Variants in HOMER2 observed in about 807,000 individuals in gnomAD.
HOMER2 encodes the protein homer protein homolog 2.
Under a neutral mutation model 47.0 loss-of-function variants are expected in HOMER2, and 27 were observed. That is an observed-to-expected ratio of 0.57 (90% CI 0.42 to 0.79). HOMER2 has a LOEUF of 0.79. Among genes scored for constraint, HOMER2 ranks in the 30% least tolerant of loss-of-function variants. The probability of loss-of-function intolerance (pLI) is 0.00; values close to 1 mark genes in which losing one functional copy is unlikely to be tolerated. For missense variants in HOMER2, 443 were observed against 435.0 expected (o/e 1.02, Z -0.16); for synonymous variants, 161 against 163.8 (o/e 0.98, Z 0.13).
chr15:82,842,213 T>C (rs2051182823), exon 2 of HOMER2: 1 of 152,162 alleles, frequency 6.6e-6, no homozygotes, highest in Admixed American at 6.5e-5. Flanking sequence ...TATAAAGATG[T>C]TAGTCCTCTT....
intron 1 of HOMER2, among the ~76,000 whole-genome samples, chr15:82,941,442 C>CAAAAAA (rs10602958): frequency 1.3e-5 from 1 of 74,446 alleles, no homozygotes; most frequent in Admixed American, 1.7e-4. Flanking sequence ...GAGTCTGTCT[C>CAAAAAA]AAAAAAAAAA....
chr15:82,869,689 C>G (rs2052115742), intron 3 of HOMER2, among the ~76,000 whole-genome samples: 1 of 152,024 alleles, frequency 6.6e-6, no homozygotes, highest in Non-Finnish European at 1.5e-5. Flanking sequence ...AACTCTTGAC[C>G]TCAGGTGATC....
At chr15:82,836,914 T>C (rs2151580198), downstream of HOMER2, 1 of 152,394 alleles carries the variant, frequency 6.6e-6, no homozygotes, top group East Asian at 1.9e-4. Context: ...TGGTTTTCTA[T>C]TGCTGCCATA....
intron 6 of HOMER2, chr15:82,852,588 A>G (rs923734614): frequency 1.3e-5 from 3 of 235,022 alleles, no homozygotes; most frequent in Non-Finnish European, 2.5e-5. Flanking sequence ...TTAAGGATCC[A>G]TCACAAGCAA....
At chr15:82,865,884 C>T (rs2051948448) in intron 3 of HOMER2, among the ~76,000 whole-genome samples, 1 of 152,222 alleles carries the variant, frequency 6.6e-6, no homozygotes, top group Admixed American at 6.5e-5. Context: ...ATGGAAACGT[C>T]TGTATGTCCA....
intron 4 of HOMER2, among the ~76,000 whole-genome samples, chr15:82,862,658 C>A (rs1395062492): frequency 1.3e-5 from 2 of 152,182 alleles, no homozygotes; most frequent in Non-Finnish European, 1.5e-5. Flanking sequence ...AATGGTATCA[C>A]TGAATCATAT....
chr15:82,869,269 A>T (rs2052096923), intron 3 of HOMER2, among the ~76,000 whole-genome samples: 1 of 152,072 alleles, frequency 6.6e-6, no homozygotes, highest in Non-Finnish European at 1.5e-5. Context: ...CTGCCCTGCA[A>T]CACCATCATC....
intron 2 of HOMER2, among the ~76,000 whole-genome samples, chr15:82,889,732 C>T (rs1158070635): frequency 6.6e-6 from 1 of 152,148 alleles, no homozygotes; most frequent in Admixed American, 6.5e-5. Context: ...CATGCCCACC[C>T]GACTTGTGGA....
At chr15:82,917,536 G>A (rs927405961) in intron 1 of HOMER2, among the ~76,000 whole-genome samples, 2 of 152,246 alleles carry the variant, frequency 1.3e-5, no homozygotes, top group East Asian at 1.9e-4. Flanking sequence ...CATGCAGGAA[G>A]GTGCAAGCGG....
At chr15:82,889,880 G>A (rs2052653940) in intron 2 of HOMER2, among the ~76,000 whole-genome samples, 1 of 152,176 alleles carries the variant, frequency 6.6e-6, no homozygotes, top group Non-Finnish European at 1.5e-5. Context: ...AGGTTCTCCA[G>A]ACAGGATACG....
chr15:82,859,936 T>C (rs2099750950), intron 4 of HOMER2, among the ~76,000 whole-genome samples: 1 of 151,934 alleles, frequency 6.6e-6, no homozygotes, highest in African/African-American at 2.4e-5. Flanking sequence ...TGGGAATATA[T>C]ACAGCAGTAC....
Position 82,855,581 on chromosome 15 carries a change from T to C in HOMER2, c.495-781A>G, listed in dbSNP as rs570921042. The stretch of plus-strand genomic sequence containing the variant: ...TGGCTCCGGGGAATAATGGTCCCAC[T>C]GTAACCTGTGCCTTCTCAGAGCCTT... On this transcript the variant is annotated intron_variant, in intron 5 of 8. Coordinates refer to ENST00000450735, the MANE Select transcript of HOMER2 (RefSeq NM_004839.4). Among the ~76,000 whole-genome samples, 10 of 152,314 alleles carry C rather than the reference T, an allele frequency of 6.6e-5. No homozygotes were observed. In the South Asian group the frequency reaches 2.1e-3, roughly 32 times the overall value.
At chr15:82,923,001 C>T (rs556904092) in intron 1 of HOMER2, among the ~76,000 whole-genome samples, 2 of 152,272 alleles carry the variant, frequency 1.3e-5, no homozygotes, top group East Asian at 1.9e-4. Flanking sequence ...CCATCAGAGG[C>T]ACGTGGCTCC....
At chr15:82,900,670 T>C (rs7174216) in intron 1 of HOMER2, among the ~76,000 whole-genome samples, 21,886 of 152,120 alleles carry the variant, frequency 0.14, 2,170 homozygotes, top group African/African-American at 0.27. Context: ...AGTGAGTGCA[T>C]GACACAGGCA....
intron 1 of HOMER2, among the ~76,000 whole-genome samples, chr15:82,929,909 T>C (rs2053963325): frequency 6.6e-6 from 1 of 151,654 alleles, no homozygotes; most frequent in Admixed American, 6.6e-5. Context: ...TTTGTATTTT[T>C]AGTAGAGATG....
chr15:82,858,791 C>T (rs574927215), intron 5 of HOMER2, among the ~76,000 whole-genome samples: 3 of 152,190 alleles, frequency 2.0e-5, no homozygotes, highest in Admixed American at 6.5e-5. Context: ...CACAATATCT[C>T]TCTCTCACAC....
intron 1 of HOMER2, among the ~76,000 whole-genome samples, chr15:82,984,073 C>A (rs961504422): frequency 2.7e-5 from 4 of 150,540 alleles, no homozygotes; most frequent in Non-Finnish European, 4.4e-5. Flanking sequence ...TGCTCTGTCA[C>A]CCAGGCTGGA....
chr15:82,848,621 A>G (rs2051289954), downstream of HOMER2, among the ~76,000 whole-genome samples: 1 of 152,198 alleles, frequency 6.6e-6, no homozygotes, highest in South Asian at 2.1e-4. Flanking sequence ...TCCCCCCGAA[A>G]TGCCTGTGAT....
chr15:82,864,589 A>T (rs117545161), intron 3 of HOMER2, among the ~76,000 whole-genome samples: 2 of 152,342 alleles, frequency 1.3e-5, no homozygotes, highest in Non-Finnish European at 2.9e-5. Flanking sequence ...AAAGATCCAA[A>T]ACCTCTTAGT....
Sources: allele counts gnomAD v4.1 joint callset (sites outside exome capture counted in the v4.1 genomes callset), GRCh38; gene constraint gnomAD v4.1.1; transcripts MANE v1.5; gene names NCBI Gene and HGNC (gene_info 2026-07-23, HGNC 2026-07-21).